Variants in GUCY2F observed in about 807,000 individuals in gnomAD.
GUCY2F encodes the protein guanylate cyclase 2F, retinal, also known as retinal guanylyl cyclase 2.
A neutral mutation model predicts 73.1 loss-of-function variants in GUCY2F; 61 were observed. The observed-to-expected ratio is 0.83, with a 90% confidence interval of 0.68 to 1.03. The LOEUF is 1.03. GUCY2F is among the 50% of genes least tolerant of loss of function. The pLI is 0.00. For missense variants in GUCY2F, 912 were observed against 854.3 expected, an observed-to-expected ratio of 1.07 and a Z score of -0.84; for synonymous variants, 331 against 307.8, an observed-to-expected ratio of 1.08 and a Z score of -0.79.
intron 8 of GUCY2F, among the ~76,000 whole-genome samples, chrX:109,414,273 C>T (rs960715368): frequency 9.0e-6 from 1 of 111,388 alleles, no homozygotes; most frequent in Admixed American, 9.5e-5. Context: ...TGCCTGGCCT[C>T]GACAAGAAAA....
chrX:109,380,418 G>A (rs1569353813), intron 17 of GUCY2F, among the ~76,000 whole-genome samples: 1 of 111,420 alleles, frequency 9.0e-6, no homozygotes, highest in Non-Finnish European at 1.9e-5. Context: ...TGGTGGGGAG[G>A]TAGAGGGTAC....
rs763231123 is a variant in GUCY2F, at chrX:109,395,363, G to A, written c.2402C>T (p.Thr801Ile). The A allele has an allele frequency of 3.3e-6, 4 of 1,205,715 alleles. No homozygotes were observed. The African/African-American group carries it at 7.0e-5, about 21-fold the overall frequency. ...TACCTGGTTAAATATTTCATCAAAAGTTGGTCGTTGTTCTGCAGCCTCAGC... is the reference window on the plus strand; with the variant it reads ...TACCTGGTTAAATATTTCATCAAAAATTGGTCGTTGTTCTGCAGCCTCAGC... ...CWAEAAEQRP[T>I]FDEIFNQFKT... The change falls in exon 12 of 20, where the codon ACT becomes ATT. Residue 801 changes from threonine to isoleucine, a missense_variant. Transcript: ENST00000218006.
intron 8 of GUCY2F, among the ~76,000 whole-genome samples, chrX:109,418,667 G>GATTTCATTATTCTTTTT (rs1931299307): frequency 9.0e-6 from 1 of 111,001 alleles, no homozygotes; most frequent in Non-Finnish European, 1.9e-5. Context: ...ATGTAAATAT[G>GATTTCATTATTCTTTTT]TCGCTTAAAT....
At chrX:109,394,251 T>A (rs1251879202) in intron 12 of GUCY2F, among the ~76,000 whole-genome samples, 1 of 112,123 alleles carries the variant, frequency 8.9e-6, no homozygotes, top group East Asian at 2.8e-4. Flanking sequence ...ATCACTGGCT[T>A]CTCTGCTGCC....
At chrX:109,441,290 A>G in intron 7 of GUCY2F, 61 bp downstream of exon 7, 1 of 755,475 alleles carries the variant, frequency 1.3e-6, no homozygotes, top group Non-Finnish European at 1.9e-6. Context: ...TAATTACTAA[A>G]TCATTGCCTC....
Position 109,453,695 on chromosome X carries a change from A to G in GUCY2F, c.1197T>C (p.Asn399=). 8.3e-7 allele frequency: 1 copy of G among 1,206,634 alleles called. No individual in the cohort carries two copies. The highest frequency in any genetic ancestry group is 1.1e-6 in the Non-Finnish European group (1 of 891,004). ...GFNQLMRTDS[N]GNGISEYVIL... Reference sequence around the variant, plus strand: ...TTACATATTCTGAAATTCCATTTCCATTTGAATCTGTCCTCATCAACTGGT... The same window carrying G: ...TTACATATTCTGAAATTCCATTTCCGTTTGAATCTGTCCTCATCAACTGGT... Residue 399 remains asparagine, a synonymous_variant, in exon 4 of 20, where the codon AAT becomes AAC. Transcript: ENST00000218006.
In GUCY2F at chrX:109,440,430, C is replaced by T. The variant is rs1931842367; in HGVS notation, c.1701+921G>A. ...CAACACCTGAATTTTGAGAGGGACA[C>T]ATTCAAACCATAGTAAGGTCCCTGT... is the stretch of plus-strand genomic sequence containing the variant. On this transcript the variant is annotated intron_variant, in intron 7 of 19. Transcript: ENST00000218006. Among the ~76,000 whole-genome samples the T allele has an allele frequency of 3.6e-5, 4 of 112,233 alleles. No individual in the cohort carries two copies. The Admixed American group carries it at 3.8e-4, about 11-fold the overall frequency.
chrX:109,475,586 G>T lies in GUCY2F; in HGVS notation c.351C>A (p.His117Gln). 2 of 1,211,590 alleles carry T rather than the reference G, an allele frequency of 1.7e-6. No homozygotes were observed. The highest frequency in any genetic ancestry group is 2.2e-6 in the Non-Finnish European group (2 of 895,206). ...GTCCAATAAATCCTGAGGCCATCTG[G>T]TGGTGGGAAATGAAACTGGAGAGAG... ...SRALSSFISH[H>Q]QMASGFIGPT... The change falls in exon 2 of 20, where the codon CAC (histidine) becomes CAA (glutamine). Residue 117 changes from histidine (H) to glutamine (Q), a missense_variant. His to Gln is a conservative substitution (Grantham distance 24). Transcript: ENST00000218006.
chrX:109,385,295 AG>A lies in GUCY2F; in HGVS notation c.2957-14del, dbSNP rs878955436. On this transcript the variant is annotated splice_polypyrimidine_tract_variant and intron_variant, in intron 15 of 19. Transcript: ENST00000218006. ...GCAACAACCGGCCCTATAGAGTATC[AG>A]GGGGTTGGAATTACAGTCAACAGGT... 4 of 992,962 alleles carry A rather than the reference AG, an allele frequency of 4.0e-6. No homozygotes were observed. Among genetic ancestry groups the A allele is most frequent in the Non-Finnish European group, 4.3e-6 (3 of 702,730 alleles). The allele number at this position is 992,962 out of a possible 1,213,427, so 81.8% of individuals were successfully genotyped here.
At chrX:109,391,313 C>T (rs1396784022) in intron 14 of GUCY2F, among the ~76,000 whole-genome samples, 1 of 111,291 alleles carries the variant, frequency 9.0e-6, no homozygotes, top group East Asian at 2.9e-4. Context: ...CTTGCCACCC[C>T]ACAATTAATC....
At chrX:109,429,219 C>T (rs778356936) in intron 8 of GUCY2F, among the ~76,000 whole-genome samples, 1 of 111,453 alleles carries the variant, frequency 9.0e-6, no homozygotes, top group East Asian at 2.8e-4. Flanking sequence ...CGAGACCAGC[C>T]TGACCAACAT....
intron 2 of GUCY2F, among the ~76,000 whole-genome samples, chrX:109,466,300 G>T (rs919197429): frequency 9.0e-6 from 1 of 111,652 alleles, no homozygotes; most frequent in Non-Finnish European, 1.9e-5. Context: ...GTGCTCAAAA[G>T]TTTTCAATTT....
rs374674977 is a variant in GUCY2F at position 109,465,160 on chromosome X, C to T, written c.1014G>A (p.Glu338=). The T allele has an allele frequency of 2.5e-6, 3 of 1,207,307 alleles. No homozygotes were observed. In the African/African-American group the frequency reaches 5.3e-5, roughly 21 times the overall value. The change falls in exon 3 of 20, where the codon GAG becomes GAA. Residue 338 remains glutamate (E), a synonymous_variant. Transcript: ENST00000218006. The part of the protein sequence containing the change: ...TEAAARGEIP[E]KLEFDQVSPL... Reference sequence around the variant, plus strand: ...TACTTACTTGATCGAACTCCAGCTTCTCAGGAATTTCACCTCTTGCTGCTG... The same window carrying T: ...TACTTACTTGATCGAACTCCAGCTTTTCAGGAATTTCACCTCTTGCTGCTG...
rs771132340 is a variant in GUCY2F, at chrX:109,413,265, G to C, written c.1792-4097C>G. 4.5e-5 allele frequency among the ~76,000 whole-genome samples: 5 copies of C among 112,058 alleles called. No individual in the cohort carries two copies. In the Middle Eastern group the frequency reaches 0.014, roughly 311 times the overall value. On this transcript the variant is annotated intron_variant, in intron 8 of 19. Transcript: ENST00000218006. ...GATGCAGAGAAAGTTTGCAACATCA[G>C]CTTTAGCAAGATGAGCATTTACAGG...
chrX:109,390,993 A>G (rs1413250254), intron 14 of GUCY2F, among the ~76,000 whole-genome samples: 1 of 112,471 alleles, frequency 8.9e-6, no homozygotes, highest in Non-Finnish European at 1.9e-5. Context: ...TACTGTGAAG[A>G]ATCCAATGAA....
At chrX:109,408,029 G>A (rs1006844787) in intron 9 of GUCY2F, among the ~76,000 whole-genome samples, 4 of 111,813 alleles carry the variant, frequency 3.6e-5, no homozygotes, top group East Asian at 2.8e-4. Context: ...CAGATCCACC[G>A]ACAGCTTGCA....
At chrX:109,413,565 C>T in intron 8 of GUCY2F, among the ~76,000 whole-genome samples, 1 of 110,948 alleles carries the variant, frequency 9.0e-6, no homozygotes, top group Middle Eastern at 4.6e-3. Flanking sequence ...CCACTACACT[C>T]AGCTAATTTT....
intron 8 of GUCY2F, among the ~76,000 whole-genome samples, chrX:109,414,015 A>T (rs1167113398): frequency 9.1e-6 from 1 of 109,955 alleles, no homozygotes; most frequent in African/African-American, 3.3e-5. Flanking sequence ...GCAGTGGCGC[A>T]ATCTCAGCTC....
intron 5 of GUCY2F, among the ~76,000 whole-genome samples, chrX:109,448,647 T>C (rs1431452399): frequency 1.8e-5 from 2 of 112,437 alleles, no homozygotes; most frequent in Non-Finnish European, 3.8e-5. Flanking sequence ...TGAGATCTCC[T>C]AGCCTGAGGC....
Sources: gnomAD v4.1 joint callset for allele counts (sites outside exome capture counted in the v4.1 genomes callset) on GRCh38, gnomAD v4.1.1 for gene constraint, MANE v1.5 for transcripts, NCBI Gene and HGNC (gene_info 2026-07-23, HGNC 2026-07-21) for gene names.